The following IRF8 variants were observed in gnomAD, a reference collection of about 807,000 sequenced individuals.
IRF8 encodes the protein interferon consensus sequence binding protein 1.
Under a neutral mutation model 48.7 loss-of-function variants are expected in IRF8, and 14 were observed. The ratio of observed to expected loss-of-function variants is 0.29; its 90% CI spans 0.19 to 0.45. The LOEUF (loss-of-function observed/expected upper bound fraction) is 0.45. Among genes scored for constraint, IRF8 ranks in the 20% least tolerant of loss-of-function variants. The probability of loss-of-function intolerance (pLI) is 1.00; values close to 1 mark genes in which losing one functional copy is unlikely to be tolerated. For synonymous variants in IRF8, 278 were observed against 227.3 expected, an observed-to-expected ratio of 1.22 and a Z score of -2.01; for missense variants, 493 against 580.7, an observed-to-expected ratio of 0.85 and a Z score of 1.55.
chr16:85,921,341 G>A lies in IRF8; in HGVS notation c.*59G>A, dbSNP rs1443571177. On this transcript the variant is annotated 3_prime_UTR_variant, in exon 9 of 9. Transcript: ENST00000268638. ...CCTGCATCCATCTCCCTGTTACAGT[G>A]GCCCGCATCATGATTAAAGAATGTG... 1.3e-6 allele frequency: 2 copies of A among 1,543,554 alleles called. No individual in the cohort carries two copies. Among genetic ancestry groups the A allele is most frequent in the Non-Finnish European group, 1.8e-6 (2 of 1,123,136 alleles).
intron 4 of IRF8, 124 bp from the exon 5 acceptor site, chr16:85,913,007 T>C (rs984268412): frequency 1.2e-6 from 1 of 814,660 alleles, no homozygotes; most frequent in African/African-American, 1.7e-5. Flanking sequence ...GACTTTTGTC[T>C]CCTGAGATAA....
intron 2 of IRF8, among the ~76,000 whole-genome samples, chr16:85,907,406 G>A (rs1283753337): frequency 4.6e-5 from 7 of 152,374 alleles, no homozygotes; most frequent in East Asian, 1.9e-4. Context: ...TGGGCCGGGC[G>A]CGGTGGCTCA....
Position 85,921,281 on chromosome 16 carries a change from A to G in IRF8, c.1280A>G (p.Ter427=). 1.2e-6 allele frequency: 2 copies of G among 1,613,714 alleles called. No homozygotes were observed. Among genetic ancestry groups the G allele is most frequent in the East Asian group, 2.2e-5 (1 of 44,892 alleles). Residue 427 remains the stop codon, a stop_retained_variant, in exon 9 of 9, where the codon TAA becomes TGA. Coordinates refer to ENST00000268638, the MANE Select transcript of IRF8 (RefSeq NM_002163.4). ...FFRENQQITV[*] ...AGAGAAAACCAACAGATCACCGTCT[A>G]AGTGCGTCGCTTGGGCGCCCCACCC... is the stretch of plus-strand genomic sequence containing the variant.
intron 7 of IRF8, among the ~76,000 whole-genome samples, chr16:85,919,459 G>C (rs1905457488): frequency 6.6e-6 from 1 of 152,218 alleles, no homozygotes; most frequent in South Asian, 2.1e-4. Flanking sequence ...AGAACTGCCA[G>C]AGGAGGGGCC....
intron 3 of IRF8, chr16:85,909,871 C>T (rs1239478703): frequency 6.6e-6 from 1 of 152,514 alleles, no homozygotes; most frequent in Non-Finnish European, 1.5e-5. Context: ...GAGATAAAAC[C>T]TAATTACCAG....
At chr16:85,910,549 A>G (rs1452830554) in intron 3 of IRF8, among the ~76,000 whole-genome samples, 5 of 152,186 alleles carry the variant, frequency 3.3e-5, no homozygotes, top group Admixed American at 3.3e-4. Flanking sequence ...TTTGGCCCCT[A>G]CTGCCACCCC....
chr16:85,903,136 A>C lies in IRF8; in HGVS notation c.121A>C (p.Lys41Gln). 6.2e-7 allele frequency: 1 copy of C among 1,614,170 alleles called. No individual in the cohort carries two copies. The highest frequency in any genetic ancestry group is 8.5e-7 in the Non-Finnish European group (1 of 1,180,026). The change falls in exon 2 of 9, where the codon AAA (lysine) becomes CAA (glutamine). Residue 41 changes from lysine (K) to glutamine (Q), a missense_variant. Physicochemically the swap from Lys to Gln is moderately conservative, Grantham distance 53. This residue lies in a region of IRF8 where 54 missense variants were observed against 59.9 expected (regional missense o/e 0.90). Coordinates refer to ENST00000268638, the MANE Select transcript of IRF8 (RefSeq NM_002163.4). ...GAAGAGCATGTTCCGGATCCCTTGG[A>C]AACACGCTGGCAAGCAAGATTATAA... ...EEKSMFRIPW[K>Q]HAGKQDYNQE...
chr16:85,900,554 T>C (rs960300697), intron 1 of IRF8, among the ~76,000 whole-genome samples: 3 of 152,214 alleles, frequency 2.0e-5, no homozygotes, highest in African/African-American at 4.8e-5. Context: ...TGTGCAGAGA[T>C]CTTGTAACGT....
chr16:85,919,751 G>T (rs1022619580), intron 7 of IRF8, among the ~76,000 whole-genome samples: 1 of 152,202 alleles, frequency 6.6e-6, no homozygotes, highest in Non-Finnish European at 1.5e-5. Flanking sequence ...TCAGAGATTC[G>T]GGTGAGGGCT....
At position 85,913,131 on chromosome 16, in the gene IRF8, C is replaced by G. The variant is rs2152101935; in HGVS notation, c.448C>G (p.Pro150Ala). ...RSEIDELIKEPSVDDYMGMIK... is the reference protein window; with the variant it reads ...RSEIDELIKEASVDDYMGMIK... ...TCCTCTCCCTCCCCTGACTGTGCAG[C>G]CTTCTGTGGACGATTACATGGGGAT... The change falls in exon 5 of 9, where the codon CCT (proline) becomes GCT (alanine). Residue 150 changes from proline (P) to alanine (A), a missense_variant and splice_region_variant. By Grantham distance (27) the Pro-to-Ala change is conservative. Coordinates refer to ENST00000268638, the MANE Select transcript of IRF8 (RefSeq NM_002163.4). The G allele has an allele frequency of 6.2e-7, 1 of 1,613,036 alleles. No individual in the cohort carries two copies. Among genetic ancestry groups the G allele is most frequent in the East Asian group, 2.2e-5 (1 of 44,888 alleles).
In IRF8 at chr16:85,904,812, C is replaced by CTTTTTTTTTTTT. The variant is rs1177860791; in HGVS notation, c.174+1632_174+1643dup. Among the ~76,000 whole-genome samples, 27 of 87,630 alleles carry CTTTTTTTTTTTT rather than the reference C, an allele frequency of 3.1e-4. 2 individuals are homozygous for CTTTTTTTTTTTT. The highest frequency in any genetic ancestry group is 7.4e-4 in the East Asian group (2 of 2,688). The allele number at this position is 87,630 out of a possible 152,430, so 57.5% of individuals were successfully genotyped here. The stretch of plus-strand genomic sequence containing the variant: ...ATTTCTCTCTTGTTTGATTGCAGAT[C>CTTTTTTTTTTTT]TTTTTTTTTTTTTTTTTTTTGCCTT... On this transcript the variant is annotated intron_variant, in intron 2 of 8. Transcript: ENST00000268638.
At position 85,907,153 on chromosome 16, in the gene IRF8, A is replaced by T. The variant is rs1284888662; in HGVS notation, c.175-1837A>T. 2.0e-5 allele frequency among the ~76,000 whole-genome samples: 3 copies of T among 152,238 alleles called. No individual in the cohort carries two copies. In the South Asian group the frequency reaches 6.2e-4, roughly 31 times the overall value. On this transcript the variant is annotated intron_variant, in intron 2 of 8. Coordinates refer to ENST00000268638, the MANE Select transcript of IRF8 (RefSeq NM_002163.4). ...ATGTCACATGAGGAAACTACCACTT[A>T]TGCTCACTAATGGGAATGTTCTTCC...
At chr16:85,904,819 T>TTTTTTTTTTTTTTTTTTTTTTC in intron 2 of IRF8, among the ~76,000 whole-genome samples, 1 of 147,468 alleles carries the variant, frequency 6.8e-6, no homozygotes, top group Non-Finnish European at 1.5e-5. Flanking sequence ...GATCTTTTTT[T>TTTTTTTTTTTTTTTTTTTTTTC]TTTTTTTTTT....
chr16:85,899,347 GC>G, intron 1 of IRF8, 124 bp downstream of exon 1: 1 of 152,404 alleles, frequency 6.6e-6, no homozygotes, highest in East Asian at 1.9e-4. Flanking sequence ...CAGCTCAGTG[GC>G]CACCCGTGTC....
At chr16:85,917,954 A>G (rs1336117821) in intron 6 of IRF8, among the ~76,000 whole-genome samples, 1 of 152,230 alleles carries the variant, frequency 6.6e-6, no homozygotes, top group Non-Finnish European at 1.5e-5. Flanking sequence ...GTTGAGAAAA[A>G]GATTATGTCT....
At chr16:85,905,054 A>G (rs1953094045) in intron 2 of IRF8, among the ~76,000 whole-genome samples, 1 of 152,060 alleles carries the variant, frequency 6.6e-6, no homozygotes, top group South Asian at 2.1e-4. Context: ...TACCCACCAG[A>G]TGCCAGTAGC....
intron 1 of IRF8, among the ~76,000 whole-genome samples, chr16:85,901,710 C>A (rs1051227529): frequency 6.6e-6 from 1 of 152,186 alleles, no homozygotes; most frequent in African/African-American, 2.4e-5. Context: ...CCACCTCCTC[C>A]TCCCTGGGAC....
rs1418168585 is a variant in IRF8 at position 85,904,810 on chromosome 16, A to ATATTTTTTTTTTTTTTTTTTTT, written c.174+1622_174+1623insATTTTTTTTTTTTTTTTTTTTT. Reference sequence around the variant, plus strand: ...GGATTTCTCTCTTGTTTGATTGCAGATCTTTTTTTTTTTTTTTTTTTTGCC... The same window carrying ATATTTTTTTTTTTTTTTTTTTT: ...GGATTTCTCTCTTGTTTGATTGCAGATATTTTTTTTTTTTTTTTTTTTTCTTTTTTTTTTTTTTTTTTTTGCC... On this transcript the variant is annotated intron_variant, in intron 2 of 8. Transcript: ENST00000268638. Among the ~76,000 whole-genome samples the ATATTTTTTTTTTTTTTTTTTTT allele has an allele frequency of 3.1e-5, 2 of 64,624 alleles. 1 individual carries two copies. Among genetic ancestry groups the ATATTTTTTTTTTTTTTTTTTTT allele is most frequent in the African/African-American group, 2.1e-4 (2 of 9,518 alleles). 42.4% of individuals were successfully genotyped at this position (64,624 alleles called of 152,430 possible).
intron 1 of IRF8, 58 bp downstream of exon 1, chr16:85,899,281 C>A (rs568760913): frequency 6.6e-6 from 1 of 152,200 alleles, no homozygotes; most frequent in African/African-American, 2.4e-5. Flanking sequence ...CCCGCGGGGT[C>A]CCCGACGCCA....
Sources: gnomAD v4.1 joint callset for allele counts (sites outside exome capture counted in the v4.1 genomes callset) on GRCh38, gnomAD v4.1.1 for gene constraint, gnomAD v4.1.1 regional missense constraint, MANE v1.5 for transcripts, NCBI Gene and HGNC (gene_info 2026-07-23, HGNC 2026-07-21) for gene names.